The following VRK3 variants were observed in gnomAD, a reference collection of about 807,000 sequenced individuals.
VRK3 encodes serine/threonine-protein kinase VRK3.
In VRK3, 50 loss-of-function variants were observed where a neutral mutation model predicts 60.4. The ratio of observed to expected loss-of-function variants is 0.83; its 90% CI spans 0.66 to 1.05. VRK3 has a LOEUF of 1.05. Among genes scored for constraint, VRK3 ranks in the 50% least tolerant of loss-of-function variants. VRK3 has a pLI of 0.00. For synonymous variants in VRK3, 246 were observed against 227.8 expected (o/e 1.08, Z -0.72); for missense variants, 549 against 585.3 (o/e 0.94, Z 0.64).
chr19:49,988,431 C>T lies in VRK3; in HGVS notation c.1158G>A (p.Gly386=). The T allele has an allele frequency of 6.2e-7, 1 of 1,613,808 alleles. No homozygotes were observed. The change falls in exon 12 of 15, where the codon GGG becomes GGA. Residue 386 remains glycine, a synonymous_variant. Coordinates refer to ENST00000316763, the MANE Select transcript of VRK3 (RefSeq NM_016440.4). ...LGYCMLKWLY[G]FLPWTNCLPN... is the part of the protein sequence containing the mutation. ...GAAGGCAATTTGTCCATGGCAGAAA[C>T]CCGTAGAGCCACTTCAGCATGCAGT...
intron 5 of VRK3, among the ~76,000 whole-genome samples, chr19:50,005,742 C>T (rs1195073002): frequency 6.7e-6 from 1 of 149,738 alleles, no homozygotes; most frequent in East Asian, 1.9e-4. Context: ...CTTGAGCACA[C>T]GCCGCTGGGT....
intron 10 of VRK3, among the ~76,000 whole-genome samples, chr19:49,991,517 C>T (rs1226773958): frequency 7.0e-6 from 1 of 142,972 alleles, no homozygotes; most frequent in Non-Finnish European, 1.5e-5. Context: ...TAATAAATCT[C>T]TACACACACA....
intron 5 of VRK3, among the ~76,000 whole-genome samples, chr19:50,003,511 C>T (rs779973133): frequency 3.3e-5 from 5 of 152,212 alleles, no homozygotes; most frequent in Admixed American, 6.5e-5. Flanking sequence ...TGACTGATGA[C>T]GGATGGTGGT....
At chr19:49,979,892 T>C (rs10417880) in intron 13 of VRK3, among the ~76,000 whole-genome samples, 8,055 of 140,272 alleles carry the variant, frequency 0.057, 705 homozygotes, top group African/African-American at 0.2. Context: ...AAAAAAAAAA[T>C]ACAAAAAATT....
chr19:50,019,361 C>A (rs2077130047), intron 2 of VRK3: 1 of 151,346 alleles, frequency 6.6e-6, no homozygotes, highest in South Asian at 2.1e-4. Flanking sequence ...GGCCACCATG[C>A]CTGGCTAATT....
chr19:50,024,346 T>C (rs1401213739), intron 1 of VRK3, among the ~76,000 whole-genome samples: 1 of 152,184 alleles, frequency 6.6e-6, no homozygotes, highest in Non-Finnish European at 1.5e-5. Context: ...AAATTCTAAA[T>C]AGTCACACAT....
intron 3 of VRK3, among the ~76,000 whole-genome samples, chr19:50,014,894 G>A (rs1241772434): frequency 6.6e-6 from 1 of 152,196 alleles, no homozygotes; most frequent in Non-Finnish European, 1.5e-5. Flanking sequence ...CAAGAGAGGG[G>A]AGCAGAGGGC....
chr19:49,990,858 C>T (rs553343623), intron 10 of VRK3, among the ~76,000 whole-genome samples: 1 of 152,104 alleles, frequency 6.6e-6, no homozygotes, highest in East Asian at 1.9e-4. Flanking sequence ...GATCATGGCT[C>T]ACTGCAGTCT....
chr19:50,007,948 G>A (rs2076926910), intron 4 of VRK3, 122 bp from the exon 5 acceptor site: 2 of 1,395,078 alleles, frequency 1.4e-6, no homozygotes, highest in African/African-American at 2.9e-5. Flanking sequence ...AACATTTCCT[G>A]GGACCTTCTA....
intron 10 of VRK3, among the ~76,000 whole-genome samples, chr19:49,990,933 T>C (rs2076600058): frequency 6.6e-6 from 1 of 152,038 alleles, no homozygotes; most frequent in East Asian, 1.9e-4. Flanking sequence ...CACATGTGTA[T>C]GCCACTACAC....
At chr19:50,022,995 A>C (rs114425365) in intron 1 of VRK3, among the ~76,000 whole-genome samples, 7,963 of 152,026 alleles carry the variant, frequency 0.052, 686 homozygotes, top group African/African-American at 0.18. Context: ...GTCAGCCACA[A>C]CAGCTTCGGT....
chr19:50,025,200 G>C (rs2077249485), intron 1 of VRK3, 67 bp downstream of exon 1: 2 of 152,334 alleles, frequency 1.3e-5, no homozygotes, highest in South Asian at 2.1e-4. Flanking sequence ...TGACGTCACG[G>C]ACGCCCCGGC....
intron 3 of VRK3, among the ~76,000 whole-genome samples, chr19:50,012,425 C>G (rs1408778880): frequency 6.6e-6 from 1 of 152,190 alleles, no homozygotes; most frequent in African/African-American, 2.4e-5. Context: ...TATTCAATGT[C>G]TGTTGTCTTA....
chr19:49,993,779 A>G (rs1472893738), intron 9 of VRK3, among the ~76,000 whole-genome samples: 2 of 151,954 alleles, frequency 1.3e-5, no homozygotes, highest in African/African-American at 4.8e-5. Context: ...CCAGGGCTCT[A>G]CTGTCCACCA....
intron 11 of VRK3, 117 bp downstream of exon 11, chr19:49,989,522 G>T: frequency 7.3e-7 from 1 of 1,369,516 alleles, no homozygotes; most frequent in Non-Finnish European, 9.7e-7. Context: ...TCCCTGTCCT[G>T]GCGCCCTTAG....
At chr19:50,010,048 T>TTATATATA (rs767619218) in intron 3 of VRK3, among the ~76,000 whole-genome samples, 2,340 of 148,306 alleles carry the variant, frequency 0.016, 56 homozygotes, top group African/African-American at 0.055. Context: ...AATAATTATT[T>TTATATATA]TATATATATA....
At chr19:49,982,806 G>A (rs8105972) in intron 12 of VRK3, among the ~76,000 whole-genome samples, 27,954 of 152,046 alleles carry the variant, frequency 0.18, 2,780 homozygotes, top group East Asian at 0.34. Flanking sequence ...ACGTGCAACC[G>A]TTTGTTCAGG....
intron 6 of VRK3, chr19:49,997,981 A>G (rs2076734663): frequency 6.4e-6 from 1 of 155,284 alleles, no homozygotes; most frequent in Admixed American, 6.5e-5. Context: ...AGCTGGCTGC[A>G]ACGCAGATGT....
At chr19:50,009,116 G>A in intron 4 of VRK3, 120 bp downstream of exon 4, 1 of 1,215,114 alleles carries the variant, frequency 8.2e-7, no homozygotes, top group Non-Finnish European at 1.2e-6. Flanking sequence ...GCTGGAGTCA[G>A]AGTCCAGGCA....
Sources: allele counts gnomAD v4.1 joint callset (sites outside exome capture counted in the v4.1 genomes callset), GRCh38; gene constraint gnomAD v4.1.1; transcripts MANE v1.5; gene names NCBI Gene and HGNC (gene_info 2026-07-23, HGNC 2026-07-21).